Variants in HPCAL1 observed in about 807,000 individuals in gnomAD.
The protein encoded by HPCAL1 is hippocalcin like 1.
In HPCAL1, 8 loss-of-function variants were observed where a neutral mutation model predicts 17.1. The observed-to-expected ratio is 0.47, with a 90% confidence interval of 0.27 to 0.84. The LOEUF is 0.84. Ranked by LOEUF, HPCAL1 falls within the 40% of genes least tolerant of loss-of-function variation. The probability of loss-of-function intolerance (pLI) is 0.13; values close to 1 mark genes in which losing one functional copy is unlikely to be tolerated. For synonymous variants in HPCAL1, 112 were observed against 111.4 expected (o/e 1.01, Z -0.03); for missense variants, 165 against 271.1 (o/e 0.61, Z 2.75).
chr2:10,412,040 G>A (rs1317102475), intron 2 of HPCAL1, among the ~76,000 whole-genome samples: 2 of 152,196 alleles, frequency 1.3e-5, no homozygotes, highest in Non-Finnish European at 2.9e-5. Context: ...GGTCAGGGGT[G>A]GCTAATTGCT....
At chr2:10,378,788 AC>A (rs1282093159) in intron 1 of HPCAL1, among the ~76,000 whole-genome samples, 1 of 152,194 alleles carries the variant, frequency 6.6e-6, no homozygotes, top group Non-Finnish European at 1.5e-5. Context: ...TTTGCTGGGC[AC>A]CTGAGCTGGT....
rs1200837849 is a variant in HPCAL1, at chr2:10,377,503, A to G, written c.-110-19332A>G. Among the ~76,000 whole-genome samples, 2 of 151,566 alleles carry G rather than the reference A, an allele frequency of 1.3e-5. No individual in the cohort carries two copies. Among genetic ancestry groups the G allele is most frequent in the Non-Finnish European group, 2.9e-5 (2 of 67,866 alleles). ...ATCTGAGTGTCACGACCACACCCCCATCCCTGTCCTTTCACGCACTGTCTG... is the reference window on the plus strand; with the variant it reads ...ATCTGAGTGTCACGACCACACCCCCGTCCCTGTCCTTTCACGCACTGTCTG... On this transcript the variant is annotated intron_variant, in intron 1 of 4. Transcript: ENST00000307845. This position sits in a 1 kb window ranked among gnomAD's most constrained non-coding sequence, Gnocchi z 5.9.
chr2:10,337,738 C>T (rs1664803734), intron 1 of HPCAL1, among the ~76,000 whole-genome samples: 1 of 152,206 alleles, frequency 6.6e-6, no homozygotes, highest in African/African-American at 2.4e-5. Context: ...AAGATCTTCC[C>T]CCAGCCCCTT....
At chr2:10,399,286 CCACCACCACCAT>C (rs1669320255) in intron 2 of HPCAL1, among the ~76,000 whole-genome samples, 1 of 98,324 alleles carries the variant, frequency 1.0e-5, no homozygotes, top group African/African-American at 3.7e-5. Context: ...ACCATCACCA[CCACCACCACCAT>C]CACCACCACC....
chr2:10,424,641 C>T (rs188764561), intron 4 of HPCAL1: 7 of 470,874 alleles, frequency 1.5e-5, no homozygotes, highest in African/African-American at 1.0e-4. Flanking sequence ...ATGGCATGGT[C>T]GTTGCTAATG....
chr2:10,338,223 G>A (rs1664836255), intron 1 of HPCAL1, among the ~76,000 whole-genome samples: 1 of 152,088 alleles, frequency 6.6e-6, no homozygotes, highest in African/African-American at 2.4e-5. Context: ...GGTTTCTTCT[G>A]GGGGTAATGA....
intron 1 of HPCAL1, among the ~76,000 whole-genome samples, chr2:10,337,917 C>T (rs1029001596): frequency 3.3e-5 from 5 of 152,162 alleles, no homozygotes; most frequent in African/African-American, 4.8e-5. Context: ...ATGGCTGCGC[C>T]GGCTTAGTCT....
intron 1 of HPCAL1, among the ~76,000 whole-genome samples, chr2:10,385,633 C>A (rs1668255608): frequency 6.6e-6 from 1 of 152,196 alleles, no homozygotes. Flanking sequence ...CCGGTGTCTG[C>A]TTGGCCGCGT....
At chr2:10,396,683 C>G (rs575122055) in intron 1 of HPCAL1, among the ~76,000 whole-genome samples, 152 bp from the exon 2 acceptor site, 1 of 152,184 alleles carries the variant, frequency 6.6e-6, no homozygotes, top group Non-Finnish European at 1.5e-5. Flanking sequence ...GGTGGCTGGC[C>G]GGAGGCCGGG....
intron 1 of HPCAL1, among the ~76,000 whole-genome samples, chr2:10,306,670 GA>G (rs1451966031): frequency 1.3e-5 from 2 of 152,224 alleles, no homozygotes; most frequent in Non-Finnish European, 2.9e-5. Flanking sequence ...TAGTGGTGCA[GA>G]TTGTAATATG....
At chr2:10,332,124 G>A (rs1017282708) in intron 1 of HPCAL1, among the ~76,000 whole-genome samples, 2 of 152,148 alleles carry the variant, frequency 1.3e-5, no homozygotes, top group Non-Finnish European at 2.9e-5. Context: ...TACTCACTTT[G>A]CTTCTCCCTT....
rs375284056 is a variant in HPCAL1, at chr2:10,426,827, C to A, written c.*6C>A. 11 of 1,610,208 alleles carry A rather than the reference C, an allele frequency of 6.8e-6. No individual in the cohort carries two copies. In the African/African-American group the frequency reaches 1.1e-4, roughly 16 times the overall value. On this transcript the variant is annotated 3_prime_UTR_variant, in exon 5 of 5. Transcript: ENST00000307845. Reference sequence around the variant, plus strand: ...GCAGTGCCAGTCAGTTCTGAGCGAGCGGCCCCTGGACAGTTGCAGAGAAAC... The same window carrying A: ...GCAGTGCCAGTCAGTTCTGAGCGAGAGGCCCCTGGACAGTTGCAGAGAAAC...
At position 10,306,422 on chromosome 2, in the gene HPCAL1, A is replaced by ATGG. The variant is rs1193597675; in HGVS notation, c.-111+3247_-111+3249dup. 3.9e-5 allele frequency among the ~76,000 whole-genome samples: 6 copies of ATGG among 152,146 alleles called. 1 individual carries two copies. Among genetic ancestry groups the ATGG allele is most frequent in the Non-Finnish European group, 1.5e-5 (1 of 68,022 alleles). ...CTACTTTGGGGCTCCCTGCTCTCCT[A>ATGG]TGGTAGCAGGGGGTTTCTGTGTCGT... On this transcript the variant is annotated intron_variant, in intron 1 of 4. Transcript: ENST00000307845.
chr2:10,336,135 C>CTGGTGTAAATTAAT (rs1664707909), intron 1 of HPCAL1, among the ~76,000 whole-genome samples: 1 of 147,220 alleles, frequency 6.8e-6, no homozygotes, highest in Non-Finnish European at 1.5e-5. Context: ...TTCGTATCCT[C>CTGGTGTAAATTAAT]TGCTGTAAAT....
intron 1 of HPCAL1, among the ~76,000 whole-genome samples, chr2:10,346,190 AT>A (rs1665431982): frequency 6.6e-6 from 1 of 151,096 alleles, no homozygotes; most frequent in South Asian, 2.1e-4. Context: ...AGCTGCACTC[AT>A]GTCCTTCTTT....
At chr2:10,410,136 G>A (rs1265244050) in intron 2 of HPCAL1, among the ~76,000 whole-genome samples, 3 of 152,058 alleles carry the variant, frequency 2.0e-5, no homozygotes, top group Non-Finnish European at 1.5e-5. Context: ...CTCTCTGGTC[G>A]CCTTCCCTCA....
chr2:10,412,150 G>A (rs990695711), intron 2 of HPCAL1, among the ~76,000 whole-genome samples: 49 of 152,210 alleles, frequency 3.2e-4, no homozygotes, highest in Non-Finnish European at 4.4e-4. Flanking sequence ...TCTATTCCAC[G>A]CAGTCACGCA....
At chr2:10,360,755 T>C (rs927553217) in intron 1 of HPCAL1, among the ~76,000 whole-genome samples, 1 of 152,104 alleles carries the variant, frequency 6.6e-6, no homozygotes, top group South Asian at 2.1e-4. Context: ...TCTCCTGTGA[T>C]GGGAAACCAG....
intron 1 of HPCAL1, among the ~76,000 whole-genome samples, chr2:10,370,594 C>T (rs572813165): frequency 6.6e-6 from 1 of 152,336 alleles, no homozygotes; most frequent in Admixed American, 6.5e-5. Context: ...TGAGCTAGCC[C>T]TCAGGCAAGG....
Sources: allele counts gnomAD v4.1 joint callset (sites outside exome capture counted in the v4.1 genomes callset), GRCh38; gene constraint gnomAD v4.1.1; non-coding constraint Gnocchi (gnomAD v3.1); transcripts MANE v1.5; gene names NCBI Gene and HGNC (gene_info 2026-07-23, HGNC 2026-07-21).